The following CTNNA3 variants were observed in gnomAD, a reference collection of about 807,000 sequenced individuals.
The protein encoded by CTNNA3 is catenin alpha-3.
In CTNNA3, 76 loss-of-function variants were observed where a neutral mutation model predicts 95.7. The observed-to-expected ratio is 0.79, with a 90% confidence interval of 0.66 to 0.96. The LOEUF is 0.96. Ranked by LOEUF, CTNNA3 falls within the 40% of genes least tolerant of loss-of-function variation. The pLI is 0.00. For missense variants in CTNNA3, 1,191 were observed against 1,089.8 expected (o/e 1.09, Z -1.31); for synonymous variants, 431 against 374.4 (o/e 1.15, Z -1.74).
At chr10:66,335,195 G>T (rs1036454562) in intron 12 of CTNNA3, among the ~76,000 whole-genome samples, 1 of 152,000 alleles carries the variant, frequency 6.6e-6, no homozygotes, top group African/African-American at 2.4e-5. Context: ...TTAGCTCAGA[G>T]TAGTTTGATT....
At position 67,720,886 on chromosome 10, in the gene CTNNA3, G is replaced by A. The variant is rs80353090; in HGVS notation, c.-2+42548C>T. 0.033 allele frequency among the ~76,000 whole-genome samples: 5,049 copies of A among 152,144 alleles called. 597 individuals carry two copies. The East Asian group carries it at 0.44, about 13-fold the overall frequency. On this transcript the variant is annotated intron_variant, in intron 1 of 17. Coordinates refer to the CTNNA3 transcript ENST00000684154. ...GGAGAATTGCTTGAATCTGGGAGGC[G>A]GAGGTTGCAGTGAGCCGAGATCATG...
chr10:66,584,335 G>T (rs990955491), intron 10 of CTNNA3, among the ~76,000 whole-genome samples: 1 of 151,722 alleles, frequency 6.6e-6, no homozygotes, highest in Non-Finnish European at 1.5e-5. Context: ...GACCTGGTAG[G>T]AATTGCCTTA....
At chr10:67,305,254 T>C (rs12359233) in intron 5 of CTNNA3, among the ~76,000 whole-genome samples, 15 of 151,652 alleles carry the variant, frequency 9.9e-5, no homozygotes, top group Admixed American at 5.3e-4. Context: ...CCAGCCTGGG[T>C]GACAGAGCGA....
At chr10:66,142,866 G>A (rs1293153954) in intron 13 of CTNNA3, among the ~76,000 whole-genome samples, 1 of 152,008 alleles carries the variant, frequency 6.6e-6, no homozygotes, top group African/African-American at 2.4e-5. Flanking sequence ...ACAAGCATAT[G>A]GAAAGAAAAA....
At chr10:67,272,821 A>G (rs1301257222) in intron 5 of CTNNA3, among the ~76,000 whole-genome samples, 1 of 152,250 alleles carries the variant, frequency 6.6e-6, no homozygotes, top group African/African-American at 2.4e-5. Context: ...TACTCCATGT[A>G]GGTGCATGAC....
At chr10:66,505,151 A>G (rs1343295768) in intron 11 of CTNNA3, among the ~76,000 whole-genome samples, 1 of 152,188 alleles carries the variant, frequency 6.6e-6, no homozygotes. Context: ...ACAGTCCTGC[A>G]GTCTACTTAT....
chr10:67,265,590 C>T (rs1357354321), intron 5 of CTNNA3, among the ~76,000 whole-genome samples: 5 of 152,208 alleles, frequency 3.3e-5, no homozygotes, highest in Non-Finnish European at 7.4e-5. Context: ...ACACACCTCC[C>T]TCCTACTCCC....
chr10:67,106,227 G>A (rs1858628879), intron 7 of CTNNA3, among the ~76,000 whole-genome samples: 1 of 152,184 alleles, frequency 6.6e-6, no homozygotes, highest in Admixed American at 6.6e-5. Flanking sequence ...AACATTTTAT[G>A]TAATATAAAA....
rs1270811686 is a variant in CTNNA3 at position 67,199,364 on chromosome 10, TTG to T, written c.844-18846_844-18845del. Among the ~76,000 whole-genome samples the T allele has an allele frequency of 1.4e-4, 10 of 69,786 alleles. No individual in the cohort carries two copies. The African/African-American group carries it at 2.5e-3, about 18-fold the overall frequency. 45.8% of individuals were successfully genotyped at this position (69,786 alleles called of 152,430 possible). Reference sequence around the variant, plus strand: ...TACAAGTTTTTTTTGTTTTTCCTTTTTGTTGTTGTTGTTGTTGTTTTTCCAGA... The same window carrying T: ...TACAAGTTTTTTTTGTTTTTCCTTTTTTGTTGTTGTTGTTGTTTTTCCAGA... On this transcript the variant is annotated intron_variant, in intron 6 of 17. Transcript: ENST00000433211.
At chr10:67,235,540 A>T (rs2132314474) in intron 5 of CTNNA3, among the ~76,000 whole-genome samples, 1 of 149,680 alleles carries the variant, frequency 6.7e-6, no homozygotes, top group South Asian at 2.1e-4. Flanking sequence ...CTTAAACGTT[A>T]GACCTAAAAC....
intron 16 of CTNNA3, among the ~76,000 whole-genome samples, chr10:65,985,188 A>C (rs1166880493): frequency 6.6e-6 from 1 of 150,736 alleles, no homozygotes; most frequent in African/African-American, 2.4e-5. Flanking sequence ...AACAATAGTA[A>C]TCATTATAAA....
At chr10:67,245,146 C>T (rs1205011921) in intron 5 of CTNNA3, among the ~76,000 whole-genome samples, 1 of 152,146 alleles carries the variant, frequency 6.6e-6, no homozygotes, top group Non-Finnish European at 1.5e-5. Context: ...CTCCTTGCTG[C>T]TTATCCAAGA....
At chr10:67,441,988 C>T (rs9414962) in intron 5 of CTNNA3, among the ~76,000 whole-genome samples, 105,272 of 151,766 alleles carry the variant, frequency 0.69, 41,182 homozygotes, top group Non-Finnish European at 0.87. Flanking sequence ...ATTACTACAA[C>T]AACTATTCAA....
At chr10:66,472,921 T>C (rs1254501432) in intron 11 of CTNNA3, among the ~76,000 whole-genome samples, 1 of 151,992 alleles carries the variant, frequency 6.6e-6, no homozygotes, top group Admixed American at 6.6e-5. Context: ...ATCATTCATA[T>C]AGCCTAAGAG....
chr10:67,722,721 T>C (rs1427353446), intron 1 of CTNNA3, among the ~76,000 whole-genome samples: 1 of 152,228 alleles, frequency 6.6e-6, no homozygotes, highest in Non-Finnish European at 1.5e-5. Flanking sequence ...AAGTGTTTTA[T>C]ATCAACTCTT....
intron 9 of CTNNA3, among the ~76,000 whole-genome samples, chr10:66,651,956 G>A (rs184336767): frequency 1.2e-3 from 186 of 152,048 alleles, no homozygotes; most frequent in Non-Finnish European, 2.1e-3. Context: ...AGGAGGCACC[G>A]AGAGCGAGCA....
At chr10:67,700,834 C>G (rs1380817649), upstream of CTNNA3, among the ~76,000 whole-genome samples, 1 of 152,104 alleles carries the variant, frequency 6.6e-6, no homozygotes, top group Non-Finnish European at 1.5e-5. Flanking sequence ...CTGCGAACTA[C>G]AGGAGGAAAT....
At chr10:67,487,226 A>T (rs1389534876) in intron 5 of CTNNA3, among the ~76,000 whole-genome samples, 1 of 152,236 alleles carries the variant, frequency 6.6e-6, no homozygotes, top group Non-Finnish European at 1.5e-5. Context: ...TAACAGCTAG[A>T]TAACACCAAT....
At position 67,714,027 on chromosome 10, in the gene CTNNA3, C is replaced by T. The variant is rs554085652; in HGVS notation, c.-2+49407G>A. ...AGATGTACGGAAATGCCTAGATGTC[C>T]ACCAGGCAGAAGTTTGCTGCAGGGG... On this transcript the variant is annotated intron_variant, in intron 1 of 17. Transcript: ENST00000684154. Among the ~76,000 whole-genome samples, 27 of 152,264 alleles carry T rather than the reference C, an allele frequency of 1.8e-4. No homozygotes were observed. In the Middle Eastern group the frequency reaches 0.014, roughly 77 times the overall value.
Sources: allele counts gnomAD v4.1 joint callset (sites outside exome capture counted in the v4.1 genomes callset), GRCh38; gene constraint gnomAD v4.1.1; transcripts MANE v1.5; gene names NCBI Gene and HGNC (gene_info 2026-07-23, HGNC 2026-07-21).